Variants in MAML2 observed in about 807,000 individuals in gnomAD.
MAML2 encodes the protein mastermind like transcriptional coactivator 2, also known as mastermind-like protein 2.
A neutral mutation model predicts 96.1 loss-of-function variants in MAML2; 22 were observed. The ratio of observed to expected loss-of-function variants is 0.23; its 90% CI spans 0.16 to 0.33. MAML2 has a LOEUF of 0.33. MAML2 is among the 10% of genes least tolerant of loss of function. The pLI, the probability that MAML2 is intolerant of heterozygous loss-of-function variation, is 1.00. For missense variants in MAML2, 1,367 were observed against 1,392.4 expected (o/e 0.98, Z 0.29); for synonymous variants, 561 against 521.3 (o/e 1.08, Z -1.04).
At chr11:96,079,288 C>T (rs1487195179) in intron 2 of MAML2, among the ~76,000 whole-genome samples, 2 of 152,234 alleles carry the variant, frequency 1.3e-5, no homozygotes, top group South Asian at 2.1e-4. Flanking sequence ...AAATTATATA[C>T]ATACACATGT....
At chr11:96,224,758 C>T (rs776808637) in intron 1 of MAML2, among the ~76,000 whole-genome samples, 1 of 152,178 alleles carries the variant, frequency 6.6e-6, no homozygotes, top group African/African-American at 2.4e-5. Flanking sequence ...AAAGTAGATG[C>T]ACATAATGTT....
At chr11:96,168,963 C>T (rs545076967) in intron 1 of MAML2, among the ~76,000 whole-genome samples, 2 of 152,326 alleles carry the variant, frequency 1.3e-5, no homozygotes, top group Admixed American at 6.5e-5. Context: ...ATTTGAACTA[C>T]ACCATAAGTT....
chr11:96,033,023 T>G (rs892197715), intron 2 of MAML2, among the ~76,000 whole-genome samples: 15 of 152,264 alleles, frequency 9.9e-5, no homozygotes, highest in Non-Finnish European at 2.2e-4. Flanking sequence ...ATTTGTAGCA[T>G]GTAAATTATA....
At chr11:96,204,414 C>A in intron 1 of MAML2, among the ~76,000 whole-genome samples, 1 of 152,144 alleles carries the variant, frequency 6.6e-6, no homozygotes, top group Non-Finnish European at 1.5e-5. Flanking sequence ...TTGATTCAGG[C>A]AAGTTCTGTA....
At chr11:95,988,118 T>G (rs947045451) in intron 3 of MAML2, among the ~76,000 whole-genome samples, 4 of 150,426 alleles carry the variant, frequency 2.7e-5, no homozygotes, top group Non-Finnish European at 5.9e-5. Flanking sequence ...ACAGGATGTG[T>G]GTGTGTGTGT....
chr11:95,979,276 T>G lies in MAML2; in HGVS notation c.3143A>C (p.Asn1048Thr), dbSNP rs1294410373. 6.2e-7 allele frequency: 1 copy of G among 1,613,910 alleles called. No individual in the cohort carries two copies. Among genetic ancestry groups the G allele is most frequent in the Admixed American group, 1.7e-5 (1 of 60,004 alleles). ...GQTMGPLRGL[N>T]LRPNQLSTQI... ...TGTGCTTAGCTGATTGGGTCTGAGATTCAGACCCCTGAGGGGACCCATGGT... is the reference window on the plus strand; with the variant it reads ...TGTGCTTAGCTGATTGGGTCTGAGAGTCAGACCCCTGAGGGGACCCATGGT... The change falls in exon 5 of 5, where the codon AAT (asparagine) becomes ACT (threonine). Residue 1048 changes from asparagine (N) to threonine (T), a missense_variant. Coordinates refer to ENST00000524717, the MANE Select transcript of MAML2 (RefSeq NM_032427.4).
At chr11:95,990,957 C>T (rs969920336) in intron 3 of MAML2, among the ~76,000 whole-genome samples, 9 of 151,774 alleles carry the variant, frequency 5.9e-5, no homozygotes, top group African/African-American at 1.2e-4. Flanking sequence ...AAAGTGATTA[C>T]GGTTTTTGCC....
intron 4 of MAML2, 44 bp from the exon 5 acceptor site, chr11:95,980,007 A>G (rs771972436): frequency 3.1e-5 from 47 of 1,492,220 alleles, no homozygotes; most frequent in Admixed American, 7.9e-5. Context: ...GCAGCATGTT[A>G]TCTCCTCTGT....
At chr11:96,119,718 G>A (rs10831487) in intron 1 of MAML2, among the ~76,000 whole-genome samples, 54,491 of 151,960 alleles carry the variant, frequency 0.36, 10,179 homozygotes, top group East Asian at 0.62. Flanking sequence ...TAGAGCTACT[G>A]TATTTCCTTT....
intron 1 of MAML2, among the ~76,000 whole-genome samples, chr11:96,296,660 A>AT (rs749509571): frequency 1.3e-5 from 2 of 152,074 alleles, no homozygotes; most frequent in African/African-American, 4.8e-5. Context: ...ATAAAATTAA[A>AT]TAAATAAATA....
intron 3 of MAML2, among the ~76,000 whole-genome samples, chr11:95,989,660 G>A (rs1322414056): frequency 1.6e-5 from 2 of 123,368 alleles, no homozygotes; most frequent in South Asian, 2.7e-4. Flanking sequence ...GGGAGGGGAA[G>A]GGAACAGGGG....
intron 3 of MAML2, among the ~76,000 whole-genome samples, chr11:95,988,553 TTA>T (rs1857864516): frequency 6.8e-6 from 1 of 147,710 alleles, no homozygotes; most frequent in East Asian, 1.9e-4. Context: ...TATATTTATA[TTA>T]TATATATTTA....
intron 2 of MAML2, among the ~76,000 whole-genome samples, chr11:96,044,546 C>A (rs1310046316): frequency 6.6e-6 from 1 of 152,088 alleles, no homozygotes; most frequent in Non-Finnish European, 1.5e-5. Flanking sequence ...CTAGGAGAAA[C>A]CTTAATCTTG....
chr11:96,148,647 A>C (rs938496930), intron 1 of MAML2, among the ~76,000 whole-genome samples: 7 of 141,576 alleles, frequency 4.9e-5, no homozygotes, highest in Non-Finnish European at 7.6e-5. Context: ...AAAGTCTGAA[A>C]ATTCTGAAAA....
At chr11:96,007,042 C>T (rs913270492) in intron 2 of MAML2, among the ~76,000 whole-genome samples, 4 of 148,246 alleles carry the variant, frequency 2.7e-5, no homozygotes, top group African/African-American at 9.9e-5. Flanking sequence ...CTCACTCTGT[C>T]ACCAGGCTGG....
chr11:95,987,861 A>C (rs1857851153), intron 3 of MAML2, among the ~76,000 whole-genome samples: 1 of 152,222 alleles, frequency 6.6e-6, no homozygotes, highest in African/African-American at 2.4e-5. Flanking sequence ...ATGGGTTTAC[A>C]AATTAAGGGA....
At chr11:96,217,977 C>T (rs949981355) in intron 1 of MAML2, among the ~76,000 whole-genome samples, 2 of 152,146 alleles carry the variant, frequency 1.3e-5, no homozygotes, top group Non-Finnish European at 2.9e-5. Context: ...ATTTAAAATC[C>T]CCCCTTCAAG....
intron 1 of MAML2, among the ~76,000 whole-genome samples, chr11:96,215,200 G>A: frequency 6.6e-6 from 1 of 152,214 alleles, no homozygotes; most frequent in East Asian, 1.9e-4. Flanking sequence ...GTGGGCTGGG[G>A]AATGGGGTAA....
intron 1 of MAML2, among the ~76,000 whole-genome samples, chr11:96,160,144 T>A (rs1012974253): frequency 6.6e-6 from 1 of 152,212 alleles, no homozygotes; most frequent in South Asian, 2.1e-4. Flanking sequence ...AAGAGATGTG[T>A]CTTGTGAGCC....
Sources: allele counts gnomAD v4.1 joint callset (sites outside exome capture counted in the v4.1 genomes callset), GRCh38; gene constraint gnomAD v4.1.1; transcripts MANE v1.5; gene names NCBI Gene and HGNC (gene_info 2026-07-23, HGNC 2026-07-21).